SETBP1: variants seen among roughly 807,000 people sequenced by gnomAD.
SETBP1 encodes the protein SET binding protein 1.
Under a neutral mutation model 101.0 loss-of-function variants are expected in SETBP1, and 9 were observed. That is an observed-to-expected ratio of 0.09 (90% confidence interval 0.05 to 0.16). SETBP1 has a LOEUF of 0.16. SETBP1 is among the 10% of genes least tolerant of loss of function. SETBP1 has a pLI of 1.00. For missense variants in SETBP1, 1,858 were observed against 2,033.8 expected, an observed-to-expected ratio of 0.91 and a Z score of 1.66; for synonymous variants, 818 against 788.5, an observed-to-expected ratio of 1.04 and a Z score of -0.63.
At chr18:44,853,922 T>C (rs2072920956) in intron 2 of SETBP1, among the ~76,000 whole-genome samples, 2 of 152,222 alleles carry the variant, frequency 1.3e-5, no homozygotes, top group South Asian at 4.1e-4. Flanking sequence ...GATGGCTTTA[T>C]TGTCACTTCC....
chr18:44,888,000 G>A (rs963134383), intron 3 of SETBP1, among the ~76,000 whole-genome samples: 1 of 152,072 alleles, frequency 6.6e-6, no homozygotes. Context: ...AAAATATCTG[G>A]ACAACCAAGA....
chr18:44,925,640 A>T (rs1006048856), intron 3 of SETBP1, among the ~76,000 whole-genome samples: 5 of 152,228 alleles, frequency 3.3e-5, no homozygotes, highest in Non-Finnish European at 7.3e-5. Context: ...ACTAAACATT[A>T]TCCTAATTTA....
intron 2 of SETBP1, among the ~76,000 whole-genome samples, chr18:44,736,462 A>G (rs564821098): frequency 6.6e-6 from 1 of 152,336 alleles, no homozygotes; most frequent in Admixed American, 6.5e-5. Context: ...GATCAGTTTT[A>G]TAGACATAAG....
At chr18:44,779,368 A>T (rs1379476812) in intron 2 of SETBP1, among the ~76,000 whole-genome samples, 2 of 152,256 alleles carry the variant, frequency 1.3e-5, no homozygotes, top group Non-Finnish European at 2.9e-5. Flanking sequence ...CCTCTGATAG[A>T]GCATAGTACT....
chr18:44,795,781 A>G (rs373298638), intron 2 of SETBP1, among the ~76,000 whole-genome samples: 25 of 152,230 alleles, frequency 1.6e-4, no homozygotes, highest in Non-Finnish European at 7.3e-5. Flanking sequence ...GCCTTGTTAA[A>G]TAGAACTCAG....
intron 3 of SETBP1, among the ~76,000 whole-genome samples, chr18:44,912,853 A>G (rs1162027473): frequency 6.6e-6 from 1 of 151,990 alleles, no homozygotes; most frequent in Non-Finnish European, 1.5e-5. Flanking sequence ...TCTCATGGTT[A>G]CTGGCCTTGT....
intron 4 of SETBP1, among the ~76,000 whole-genome samples, chr18:44,973,010 G>T (rs1258059086): frequency 6.6e-6 from 1 of 152,086 alleles, no homozygotes; most frequent in Non-Finnish European, 1.5e-5. Context: ...ATTGGCTGTG[G>T]GTTTGTCATA....
intron 1 of SETBP1, among the ~76,000 whole-genome samples, chr18:44,699,726 A>G (rs1196247551): frequency 1.3e-5 from 2 of 152,140 alleles, no homozygotes; most frequent in Non-Finnish European, 2.9e-5. Flanking sequence ...AAAGCTGAGC[A>G]TTTTCCAGTA....
At chr18:44,684,708 G>C (rs1005012205) in intron 1 of SETBP1, among the ~76,000 whole-genome samples, 4 of 151,738 alleles carry the variant, frequency 2.6e-5, no homozygotes, top group Non-Finnish European at 5.9e-5. Flanking sequence ...GTGCAGTGGC[G>C]TGATCTTGGC....
At chr18:45,047,835 A>G (rs1313819260) in intron 5 of SETBP1, among the ~76,000 whole-genome samples, 4 of 152,142 alleles carry the variant, frequency 2.6e-5, no homozygotes, top group African/African-American at 9.7e-5. Context: ...AGATTGTGAG[A>G]CAGGTGTGAC....
At chr18:44,869,501 A>G (rs1292392623) in intron 3 of SETBP1, 1 of 576,604 alleles carries the variant, frequency 1.7e-6, no homozygotes, top group African/African-American at 1.9e-5. Flanking sequence ...TTCGTTCCTA[A>G]TATTCTATAG....
chr18:44,747,827 C>T lies in SETBP1; in HGVS notation c.486+45995C>T, dbSNP rs147752311. On this transcript the variant is annotated intron_variant, in intron 2 of 5. Transcript: ENST00000649279. ...AATGTTAATAAGCATCACAGATCTT[C>T]AAGTGTGGTTGAGTTTATGTTGTTT... Among the ~76,000 whole-genome samples, 3 of 152,350 alleles carry T rather than the reference C, an allele frequency of 2.0e-5. No individual in the cohort carries two copies. The East Asian group carries it at 5.8e-4, about 29-fold the overall frequency.
intron 4 of SETBP1, chr18:44,970,156 A>C (rs775167772): frequency 1.9e-5 from 3 of 154,752 alleles, no homozygotes; most frequent in Non-Finnish European, 4.4e-5. Context: ...TTGCTCAGGG[A>C]CTCAAGCCAA....
intron 4 of SETBP1, 78 bp downstream of exon 4, chr18:44,953,418 A>C: frequency 2.3e-6 from 3 of 1,303,388 alleles, no homozygotes; most frequent in South Asian, 2.5e-5. Flanking sequence ...CATCTGTGGC[A>C]CATTGTGTTC....
intron 3 of SETBP1, among the ~76,000 whole-genome samples, chr18:44,873,354 A>T (rs978123819): frequency 6.6e-6 from 1 of 152,202 alleles, no homozygotes; most frequent in Non-Finnish European, 1.5e-5. Flanking sequence ...TTTCACAGAG[A>T]GTATGGGCAT....
rs549960817 is a variant in SETBP1 at position 45,015,871 on chromosome 18, G to A, written c.4001-22614G>A. ...TAAGAGATTTGACATTTAGTCATGGGGATATTCTGTTCTTGAGTTACATGC... is the reference window on the plus strand; with the variant it reads ...TAAGAGATTTGACATTTAGTCATGGAGATATTCTGTTCTTGAGTTACATGC... On this transcript the variant is annotated intron_variant, in intron 4 of 5. Transcript: ENST00000649279. 3.9e-5 allele frequency among the ~76,000 whole-genome samples: 6 copies of A among 152,250 alleles called. No individual in the cohort carries two copies. In the South Asian group the frequency reaches 8.3e-4, roughly 21 times the overall value.
At chr18:44,838,032 A>G (rs1031084291) in intron 2 of SETBP1, among the ~76,000 whole-genome samples, 1 of 152,052 alleles carries the variant, frequency 6.6e-6, no homozygotes, top group Admixed American at 6.5e-5. Flanking sequence ...TTGCTGACCC[A>G]TGCTTGGTGG....
intron 4 of SETBP1, among the ~76,000 whole-genome samples, chr18:45,007,516 G>C (rs2072754931): frequency 6.6e-6 from 1 of 151,534 alleles, no homozygotes; most frequent in African/African-American, 2.4e-5. Flanking sequence ...CATTCTCTAT[G>C]TACCTTGCCT....
intron 2 of SETBP1, among the ~76,000 whole-genome samples, chr18:44,724,078 C>T (rs1275008542): frequency 2.6e-5 from 4 of 152,178 alleles, no homozygotes; most frequent in African/African-American, 9.7e-5. Flanking sequence ...CAAATACTCA[C>T]AGAAACACCC....
Sources: gnomAD v4.1 joint callset for allele counts (sites outside exome capture counted in the v4.1 genomes callset) on GRCh38, gnomAD v4.1.1 for gene constraint, MANE v1.5 for transcripts, NCBI Gene and HGNC (gene_info 2026-07-23, HGNC 2026-07-21) for gene names.